RIMBP2: variants seen among roughly 807,000 people sequenced by gnomAD.
The protein encoded by RIMBP2 is RIMS binding protein 2, also known as RIMS-binding protein 2.
RIMBP2 carries 48 observed loss-of-function variants against 118.6 expected under a neutral mutation model. The observed-to-expected ratio is 0.40, with a 90% CI of 0.32 to 0.51. The LOEUF (loss-of-function observed/expected upper bound fraction) is 0.51, where lower values mean the gene tolerates loss of function less well. RIMBP2 is among the 20% of genes least tolerant of loss of function. The pLI, the probability that RIMBP2 is intolerant of heterozygous loss-of-function variation, is 0.41. For synonymous variants in RIMBP2, 762 were observed against 742.9 expected (o/e 1.03, Z -0.42); for missense variants, 1,551 against 1,768.3 (o/e 0.88, Z 2.20).
intron 1 of RIMBP2, among the ~76,000 whole-genome samples, chr12:130,706,118 T>C (rs1311829980): frequency 6.6e-6 from 1 of 152,226 alleles, no homozygotes; most frequent in Non-Finnish European, 1.5e-5. Flanking sequence ...GGAATCGTAA[T>C]AGCTAATGTT....
intron 1 of RIMBP2, among the ~76,000 whole-genome samples, chr12:130,661,970 T>C (rs7971693): frequency 0.54 from 82,575 of 151,958 alleles, 23,051 homozygotes; most frequent in Non-Finnish European, 0.62. Context: ...TTAGGAGCTC[T>C]GAGTCTCAGC....
Position 130,436,842 on chromosome 12 carries a change from C to T in RIMBP2, c.2106G>A (p.Arg702=), listed in dbSNP as rs2077555804. 8 of 1,433,954 alleles carry T rather than the reference C, an allele frequency of 5.6e-6. No homozygotes were observed. Among genetic ancestry groups the T allele is most frequent in the Admixed American group, 5.7e-5 (2 of 35,012 alleles). 88.8% of individuals were successfully genotyped at this position (1,433,954 alleles called of 1,614,324 possible). A position where few individuals can be genotyped will look rare whatever the true frequency, so the allele number is the denominator to read the frequency against. The part of the protein sequence containing the change: ...EAAQRVAESS[R]LEKRSVFLER... ...ACCGAGGCGGGAGCCCCAGCCTTACCCTGCTGCTCTCGGCCACCCTCTGCG... is the reference window on the plus strand; with the variant it reads ...ACCGAGGCGGGAGCCCCAGCCTTACTCTGCTGCTCTCGGCCACCCTCTGCG... The change falls in exon 13 of 23, where the codon AGG becomes AGA. Residue 702 remains arginine, a splice_region_variant and synonymous_variant. Coordinates refer to ENST00000690449, the MANE Select transcript of RIMBP2 (RefSeq NM_001393629.1).
chr12:130,439,477 ATG>A (rs912757587), intron 11 of RIMBP2, among the ~76,000 whole-genome samples: 4 of 101,998 alleles, frequency 3.9e-5, no homozygotes, highest in Admixed American at 9.9e-5. Context: ...GTATTTGTGT[ATG>A]TGTGTGTATG....
At chr12:130,502,564 G>T (rs1410687083) in intron 4 of RIMBP2, among the ~76,000 whole-genome samples, 1 of 151,992 alleles carries the variant, frequency 6.6e-6, no homozygotes, top group Non-Finnish European at 1.5e-5. Context: ...TCCTCCCTCT[G>T]CTCAACATGT....
rs1166819731 is a variant in RIMBP2 at position 130,424,632 on chromosome 12, C to T, written c.2639G>A (p.Arg880Gln). The change falls in exon 16 of 23, where the codon CGG becomes CAG. Residue 880 changes from arginine to glutamine, a missense_variant. By Grantham distance (43) the Arg-to-Gln change is conservative. This residue lies in a region of RIMBP2 where 1,038 missense variants were observed against 1,125.1 expected (regional missense o/e 0.92). Coordinates refer to ENST00000690449, the MANE Select transcript of RIMBP2 (RefSeq NM_001393629.1). This position sits in a 1 kb window ranked among gnomAD's most constrained non-coding sequence, Gnocchi z 9.8. ...GTGCTTCACCGGGAACCAGGAGCCC[C>T]GAGGGGCCTCGTCGCCCCTGTAGGG... ...GRPYRGDEAP[R>Q]GSWFPVKHRG... The T allele has an allele frequency of 1.1e-5, 14 of 1,231,768 alleles. No homozygotes were observed. Among genetic ancestry groups the T allele is most frequent in the East Asian group, 9.5e-5 (3 of 31,678 alleles). 76.3% of individuals were successfully genotyped at this position (1,231,768 alleles called of 1,614,324 possible).
Position 130,529,771 on chromosome 12 carries a change from G to C in RIMBP2, c.-216-11854C>G, listed in dbSNP as rs150671706. Among the ~76,000 whole-genome samples, 696 of 152,236 alleles carry C rather than the reference G, an allele frequency of 4.6e-3. 9 individuals carry two copies. Among genetic ancestry groups the C allele is most frequent in the South Asian group, 0.015 (72 of 4,820 alleles). ...TCCACAGACTGGGGTGGGGGGAATG[G>C]TTTTGGGATGAAACTTCTATCTCAG... On this transcript the variant is annotated intron_variant, in intron 2 of 22. Coordinates refer to ENST00000690449, the MANE Select transcript of RIMBP2 (RefSeq NM_001393629.1).
At chr12:130,702,586 A>AG (rs770230678) in intron 1 of RIMBP2, among the ~76,000 whole-genome samples, 2 of 144,198 alleles carry the variant, frequency 1.4e-5, no homozygotes, top group Admixed American at 7.0e-5. Flanking sequence ...GAAGGAAGGA[A>AG]GAAGGGAGGG....
At chr12:130,542,883 T>C (rs2054739393) in intron 2 of RIMBP2, among the ~76,000 whole-genome samples, 1 of 152,262 alleles carries the variant, frequency 6.6e-6, no homozygotes, top group African/African-American at 2.4e-5. Context: ...AGTCATGGTC[T>C]ACATTTCCAT....
chr12:130,571,416 A>ATT (rs1555294909), intron 2 of RIMBP2, among the ~76,000 whole-genome samples: 17 of 104,266 alleles, frequency 1.6e-4, no homozygotes, highest in Admixed American at 1.0e-3. Flanking sequence ...CCATAGTAAC[A>ATT]TTTTTTTTTT....
chr12:130,424,011 T>G lies in RIMBP2; in HGVS notation c.3129+131A>C, dbSNP rs1374784667. 6 of 453,846 alleles carry G rather than the reference T, an allele frequency of 1.3e-5. No individual in the cohort carries two copies. Among genetic ancestry groups the G allele is most frequent in the Non-Finnish European group, 2.2e-5 (6 of 277,702 alleles). The allele number at this position is 453,846 out of a possible 1,614,324, so 28.1% of individuals were successfully genotyped here. A position where few individuals can be genotyped will look rare whatever the true frequency, so the allele number is the denominator to read the frequency against. Reference sequence around the variant, plus strand: ...CAAATCGGACTTGAGAAATCAAAAATGCAGGGAAAACGAAAGACAGCCAGC... The same window carrying G: ...CAAATCGGACTTGAGAAATCAAAAAGGCAGGGAAAACGAAAGACAGCCAGC... On this transcript the variant is annotated intron_variant, in intron 16 of 22. Coordinates refer to ENST00000690449, the MANE Select transcript of RIMBP2 (RefSeq NM_001393629.1). The surrounding 1 kb of genome is among the most constrained non-coding windows in gnomAD (Gnocchi z 9.8).
intron 2 of RIMBP2, among the ~76,000 whole-genome samples, chr12:130,600,428 G>A (rs74605397): frequency 1.3e-5 from 2 of 151,888 alleles, no homozygotes; most frequent in African/African-American, 4.8e-5. Context: ...CCTCCCCGCT[G>A]GCCAGAAGGA....
intron 3 of RIMBP2, among the ~76,000 whole-genome samples, chr12:130,517,004 G>T (rs117897754): frequency 2.6e-5 from 4 of 152,144 alleles, no homozygotes; most frequent in African/African-American, 9.7e-5. Flanking sequence ...TGGTTGGTGC[G>T]CTCCATGGTT....
Position 130,424,226 on chromosome 12 carries a change from G to A in RIMBP2, c.3045C>T (p.Val1015=), listed in dbSNP as rs904835456. Residue 1015 remains valine (V), a synonymous_variant, in exon 16 of 23, where the codon GTC becomes GTT. Transcript: ENST00000690449. This position sits in a 1 kb window ranked among gnomAD's most constrained non-coding sequence, Gnocchi z 9.8. ...EPTEHQDFRG[V]WKKSITMPDS... ...CGGGCATGGTTATGCTTTTCTTCCA[G>A]ACACCCCGAAAATCTTGGTGCTCGG... 1.6e-6 allele frequency: 2 copies of A among 1,231,974 alleles called. No homozygotes were observed. The highest frequency in any genetic ancestry group is 2.0e-6 in the Non-Finnish European group (2 of 987,926). 76.3% of individuals were successfully genotyped at this position (1,231,974 alleles called of 1,614,324 possible). A position where few individuals can be genotyped will look rare whatever the true frequency, so the allele number is the denominator to read the frequency against.
At chr12:130,640,916 C>T (rs2062587331) in intron 1 of RIMBP2, among the ~76,000 whole-genome samples, 1 of 152,204 alleles carries the variant, frequency 6.6e-6, no homozygotes. Flanking sequence ...CCTTTGGAAA[C>T]ATTAAATTGA....
chr12:130,471,367 G>C (rs945293837), intron 5 of RIMBP2, among the ~76,000 whole-genome samples: 7 of 152,216 alleles, frequency 4.6e-5, no homozygotes, highest in African/African-American at 1.7e-4. Flanking sequence ...CACAGGCCTG[G>C]AAGTCCCAGC....
intron 6 of RIMBP2, among the ~76,000 whole-genome samples, chr12:130,458,351 CCT>C (rs781538309): frequency 8.5e-5 from 13 of 152,154 alleles, no homozygotes; most frequent in Non-Finnish European, 1.6e-4. Context: ...GGCTCTGGGG[CCT>C]GACATGGAAA....
rs2057670887 is a variant in RIMBP2, at chr12:130,571,653, A to G, written c.-216-53736T>C. On this transcript the variant is annotated intron_variant, in intron 2 of 22. Transcript: ENST00000690449. ...CAGGCTGATCTCGAACTCCACAGTA[A>G]CCTCTTAATGCTCAGACAGTTGGCA... Among the ~76,000 whole-genome samples the G allele has an allele frequency of 2.0e-5, 3 of 151,692 alleles. No individual in the cohort carries two copies. In the South Asian group the frequency reaches 6.2e-4, roughly 32 times the overall value.
intron 1 of RIMBP2, among the ~76,000 whole-genome samples, chr12:130,665,749 AAC>A (rs61043627): frequency 8.9e-5 from 13 of 146,858 alleles, no homozygotes; most frequent in Admixed American, 1.3e-4. Context: ...CTGGACCAGA[AAC>A]ACACACACAC....
chr12:130,424,870 G>T lies in RIMBP2; in HGVS notation c.2413-12C>A. 8.1e-7 allele frequency: 1 copy of T among 1,229,268 alleles called. No homozygotes were observed. 76.1% of individuals were successfully genotyped at this position (1,229,268 alleles called of 1,614,324 possible). A position where few individuals can be genotyped will look rare whatever the true frequency, so the allele number is the denominator to read the frequency against. ...TGGTCAGTGCAGTCCTTACGGGGTG[G>T]TGTGTCAAGAACAGGCGCGGGAAAG... On this transcript the variant is annotated splice_polypyrimidine_tract_variant and intron_variant, in intron 15 of 22. Transcript: ENST00000690449. This position sits in a 1 kb window ranked among gnomAD's most constrained non-coding sequence, Gnocchi z 9.8.
Sources: gnomAD v4.1 joint callset for allele counts (sites outside exome capture counted in the v4.1 genomes callset) on GRCh38, gnomAD v4.1.1 for gene constraint, gnomAD v4.1.1 regional missense constraint, Gnocchi (gnomAD v3.1) non-coding constraint, MANE v1.5 for transcripts, NCBI Gene and HGNC (gene_info 2026-07-23, HGNC 2026-07-21) for gene names.